The following NT5C3A variants were observed in gnomAD, a reference collection of about 807,000 sequenced individuals.
NT5C3A encodes the protein 5'-nucleotidase, cytosolic IIIA.
A neutral mutation model predicts 40.0 loss-of-function variants in NT5C3A; 23 were observed. That is an observed-to-expected ratio of 0.58 (90% CI 0.41 to 0.81). NT5C3A has a LOEUF of 0.81. Ranked by LOEUF, NT5C3A falls within the 40% of genes least tolerant of loss-of-function variation. The probability of loss-of-function intolerance (pLI) is 0.00; values close to 1 mark genes in which losing one functional copy is unlikely to be tolerated. For synonymous variants in NT5C3A, 130 were observed against 141.4 expected, an observed-to-expected ratio of 0.92 and a Z score of 0.57; for missense variants, 328 against 403.0, an observed-to-expected ratio of 0.81 and a Z score of 1.59.
chr7:33,030,495 TAAG>T (rs1467508495), intron 1 of NT5C3A, among the ~76,000 whole-genome samples: 13 of 152,124 alleles, frequency 8.5e-5, no homozygotes, highest in Non-Finnish European at 1.8e-4. Context: ...GAAAAATAAA[TAAG>T]AAGCTAAAAA....
At position 33,023,268 on chromosome 7, in the gene NT5C3A, CT is replaced by C. The variant is rs200004954; in HGVS notation, c.307+770del. Reference sequence around the variant, plus strand: ...AAATAATTTTTCTTTTCCTTTTTTACTTTTTTTTGAGATGAAGTTTCACTCT... The same window carrying C: ...AAATAATTTTTCTTTTCCTTTTTTACTTTTTTTGAGATGAAGTTTCACTCT... On this transcript the variant is annotated intron_variant, in intron 3 of 8. Transcript: ENST00000610140. Among the ~76,000 whole-genome samples, 1,547 of 151,238 alleles carry C rather than the reference CT, an allele frequency of 0.01. 58 individuals are homozygous for C. In the East Asian group the frequency reaches 0.14, roughly 13 times the overall value.
intron 1 of NT5C3A, among the ~76,000 whole-genome samples, chr7:33,046,931 G>A (rs1375815562): frequency 1.3e-5 from 2 of 150,250 alleles, no homozygotes; most frequent in African/African-American, 2.5e-5. Flanking sequence ...AGCCTCTGGA[G>A]TAGTGGGGAC....
At chr7:33,030,665 C>A (rs1562593353) in intron 1 of NT5C3A, among the ~76,000 whole-genome samples, 1 of 152,064 alleles carries the variant, frequency 6.6e-6, no homozygotes, top group Non-Finnish European at 1.5e-5. Flanking sequence ...TAAGAAAGAC[C>A]TAAAATTCAC....
chr7:33,025,146 T>TA (rs1255787467), intron 2 of NT5C3A, among the ~76,000 whole-genome samples: 1 of 151,620 alleles, frequency 6.6e-6, no homozygotes, highest in Non-Finnish European at 1.5e-5. Context: ...CTCGAAAAAA[T>TA]AAAACAAAAT....
rs151250400 is a variant in NT5C3A, at chr7:33,016,046, C to T, written c.694-176G>A. ...ACATTCACCATAGCTAAGAAGGGCT[C>T]GGAGAAGTAAATGATTTTTTAGATA... On this transcript the variant is annotated intron_variant, in intron 7 of 8. Coordinates refer to ENST00000610140, the MANE Select transcript of NT5C3A (RefSeq NM_001002010.5). 243 of 605,760 alleles carry T rather than the reference C, an allele frequency of 4.0e-4. 1 individual carries two copies. The African/African-American group carries it at 4.1e-3, about 10-fold the overall frequency. 37.5% of individuals were successfully genotyped at this position (605,760 alleles called of 1,614,324 possible). A position where few individuals can be genotyped will look rare whatever the true frequency, so the allele number is the denominator to read the frequency against.
chr7:33,048,065 C>T (rs1486639643), intron 1 of NT5C3A, among the ~76,000 whole-genome samples: 1 of 151,698 alleles, frequency 6.6e-6, no homozygotes, highest in East Asian at 1.9e-4. Flanking sequence ...TTTAAATAAA[C>T]TTTTAGAGGA....
intron 1 of NT5C3A, among the ~76,000 whole-genome samples, chr7:33,053,822 G>A (rs950186067): frequency 6.6e-6 from 1 of 152,066 alleles, no homozygotes; most frequent in Non-Finnish European, 1.5e-5. Context: ...AAAAAAAATT[G>A]TAAAGCTAAA....
chr7:33,056,692 C>A (rs1787586552), intron 1 of NT5C3A, among the ~76,000 whole-genome samples: 1 of 151,826 alleles, frequency 6.6e-6, no homozygotes, highest in African/African-American at 2.4e-5. Flanking sequence ...AAAATAAAGT[C>A]TATTTGATTC....
chr7:33,046,771 A>G (rs567692465), intron 1 of NT5C3A, among the ~76,000 whole-genome samples: 68 of 151,768 alleles, frequency 4.5e-4, no homozygotes, highest in African/African-American at 1.5e-3. Flanking sequence ...TTCAAATGCC[A>G]TATGTTTGAA....
At position 33,049,398 on chromosome 7, in the gene NT5C3A, T is replaced by G. The variant is rs139524223; in HGVS notation, c.138+13170A>C. Among the ~76,000 whole-genome samples the G allele has an allele frequency of 3.0e-3, 462 of 152,236 alleles. 7 individuals carry two copies. The highest frequency in any genetic ancestry group is 1.0e-2 in the African/African-American group (414 of 41,542). The stretch of plus-strand genomic sequence containing the variant: ...CAGAGCTGAGATTTGAACCAAGGAC[T>G]TACCAACTACTAAACTTTCAAAGAC... On this transcript the variant is annotated intron_variant, in intron 1 of 8. Coordinates refer to ENST00000610140, the MANE Select transcript of NT5C3A (RefSeq NM_001002010.5).
At position 33,024,257 on chromosome 7, in the gene NT5C3A, C is replaced by T. The variant is rs868542258; in HGVS notation, c.238-149G>A. On this transcript the variant is annotated intron_variant, in intron 2 of 8. Transcript: ENST00000610140. The stretch of plus-strand genomic sequence containing the variant: ...CCACACTGTTAACTTATTCTCTTTA[C>T]ATTGAATTTTCTCATGCGGTTCCTT... The T allele has an allele frequency of 6.4e-5, 42 of 657,354 alleles. No individual in the cohort carries two copies. In the Middle Eastern group the frequency reaches 8.4e-4, roughly 13 times the overall value. 40.7% of individuals were successfully genotyped at this position (657,354 alleles called of 1,614,324 possible).
chr7:33,041,077 T>A (rs1786890713), intron 1 of NT5C3A: 1 of 984,716 alleles, frequency 1.0e-6, no homozygotes. Context: ...CAAGTCAATC[T>A]ACATAACATT....
chr7:33,059,156 T>C (rs1040583915), intron 1 of NT5C3A, among the ~76,000 whole-genome samples: 2 of 152,206 alleles, frequency 1.3e-5, no homozygotes, highest in African/African-American at 4.8e-5. Context: ...ACACTGGCCA[T>C]TGAGAGGCTA....
chr7:33,015,997 G>T, intron 7 of NT5C3A, 127 bp from the exon 8 acceptor site: 2 of 705,042 alleles, frequency 2.8e-6, no homozygotes, highest in Non-Finnish European at 5.0e-6. Context: ...TGATACTAGA[G>T]ATCTCAAAGC....
At chr7:33,021,619 T>G (rs1785634567) in intron 4 of NT5C3A, among the ~76,000 whole-genome samples, 1 of 152,142 alleles carries the variant, frequency 6.6e-6, no homozygotes, top group Non-Finnish European at 1.5e-5. Flanking sequence ...CACTTTAGTT[T>G]TCATATAAAG....
At chr7:33,051,696 C>T (rs912621519) in intron 1 of NT5C3A, among the ~76,000 whole-genome samples, 1 of 152,048 alleles carries the variant, frequency 6.6e-6, no homozygotes, top group African/African-American at 2.4e-5. Flanking sequence ...TATTTTAATT[C>T]CTGCTCCCCA....
At chr7:33,048,773 G>A (rs1042847074) in intron 1 of NT5C3A, among the ~76,000 whole-genome samples, 1 of 152,112 alleles carries the variant, frequency 6.6e-6, no homozygotes, top group African/African-American at 2.4e-5. Context: ...ACAAATTGTT[G>A]CTCAAAATTT....
chr7:33,036,015 CAA>C (rs776877160), intron 1 of NT5C3A: 175 of 1,584,408 alleles, frequency 1.1e-4, no homozygotes, highest in Non-Finnish European at 1.4e-4. Context: ...GATGTCACAG[CAA>C]AAGAGAAAAA....
At position 33,044,456 on chromosome 7, in the gene NT5C3A, C is replaced by T. The variant is rs576261981; in HGVS notation, c.139-17541G>A. ...GAAGTTGTAAAGACAGGTTCTTTAA[C>T]TGCACAATGGACTTTCACCTCTGTA... is the stretch of plus-strand genomic sequence containing the variant. On this transcript the variant is annotated intron_variant, in intron 1 of 8. Transcript: ENST00000610140. Among the ~76,000 whole-genome samples, 143 of 152,240 alleles carry T rather than the reference C, an allele frequency of 9.4e-4. 1 individual carries two copies. Among genetic ancestry groups the T allele is most frequent in the African/African-American group, 3.1e-3 (128 of 41,532 alleles).
Sources: gnomAD v4.1 joint callset for allele counts (sites outside exome capture counted in the v4.1 genomes callset) on GRCh38, gnomAD v4.1.1 for gene constraint, MANE v1.5 for transcripts, NCBI Gene and HGNC (gene_info 2026-07-23, HGNC 2026-07-21) for gene names.